IGSF21: variants seen among roughly 807,000 people sequenced by gnomAD.
The protein encoded by IGSF21 is immunoglobin superfamily member 21, also known as immunoglobulin superfamily member 21.
IGSF21 carries 28 observed loss-of-function variants against 46.8 expected under a neutral mutation model. The ratio of observed to expected loss-of-function variants is 0.60; its 90% confidence interval spans 0.44 to 0.82. The LOEUF (loss-of-function observed/expected upper bound fraction) is 0.82, where lower values mean the gene tolerates loss of function less well. IGSF21 is among the 40% of genes least tolerant of loss of function. IGSF21 has a pLI of 0.00. For synonymous variants in IGSF21, 284 were observed against 273.6 expected (o/e 1.04, Z -0.38); for missense variants, 624 against 665.5 (o/e 0.94, Z 0.69).
intron 2 of IGSF21, among the ~76,000 whole-genome samples, chr1:18,285,193 T>C (rs901404577): frequency 6.6e-6 from 1 of 151,820 alleles, no homozygotes; most frequent in Non-Finnish European, 1.5e-5. Context: ...CCTTTTCTTT[T>C]TTTTTTTTTT....
chr1:18,330,208 GA>G (rs1378563577), intron 3 of IGSF21, among the ~76,000 whole-genome samples: 1 of 152,120 alleles, frequency 6.6e-6, no homozygotes, highest in Non-Finnish European at 1.5e-5. Flanking sequence ...AAAGAAAACA[GA>G]AAAGACCAAA....
At chr1:18,284,366 G>A (rs138358823) in intron 2 of IGSF21, among the ~76,000 whole-genome samples, 269 of 152,318 alleles carry the variant, frequency 1.8e-3, no homozygotes, top group African/African-American at 6.4e-3. Flanking sequence ...CGGTTCCCAT[G>A]CTAGGCTCCT....
intron 2 of IGSF21, among the ~76,000 whole-genome samples, chr1:18,251,066 G>A (rs941730836): frequency 6.6e-6 from 1 of 152,106 alleles, no homozygotes; most frequent in Admixed American, 6.5e-5. Flanking sequence ...GGCAGAGAGG[G>A]TATCTATGGA....
At chr1:18,321,208 C>T (rs1263478963) in intron 3 of IGSF21, among the ~76,000 whole-genome samples, 3 of 152,186 alleles carry the variant, frequency 2.0e-5, no homozygotes, top group Non-Finnish European at 2.9e-5. Context: ...AGGGTCTGCC[C>T]TTGGTCACCA....
intron 1 of IGSF21, among the ~76,000 whole-genome samples, chr1:18,161,498 A>G (rs9662108): frequency 0.81 from 123,694 of 151,954 alleles, 50,468 homozygotes; most frequent in East Asian, 0.93. Flanking sequence ...CCTTCCCCCC[A>G]GCCCACTTTC....
chr1:18,285,232 T>C (rs2085201571), intron 2 of IGSF21, among the ~76,000 whole-genome samples: 2 of 151,600 alleles, frequency 1.3e-5, no homozygotes, highest in Non-Finnish European at 2.9e-5. Flanking sequence ...CCCAGGGACA[T>C]TGGTGAGGCA....
intron 1 of IGSF21, chr1:18,113,376 T>G (rs2086160012): frequency 1.3e-5 from 2 of 151,924 alleles, no homozygotes; most frequent in Admixed American, 1.3e-4. Context: ...ATAAAGGTAG[T>G]GTGTATGGGG....
At chr1:18,188,361 T>A (rs1570316815) in intron 1 of IGSF21, among the ~76,000 whole-genome samples, 1 of 152,248 alleles carries the variant, frequency 6.6e-6, no homozygotes, top group Non-Finnish European at 1.5e-5. Context: ...GCTGATTAGA[T>A]CGCCCCCATA....
chr1:18,315,995 T>C (rs1423296141), intron 3 of IGSF21, among the ~76,000 whole-genome samples: 1 of 152,156 alleles, frequency 6.6e-6, no homozygotes, highest in Non-Finnish European at 1.5e-5. Context: ...TGGTGTTCTT[T>C]AGGTTGGAAA....
intron 1 of IGSF21, among the ~76,000 whole-genome samples, chr1:18,151,200 TCA>T (rs997767411): frequency 6.6e-6 from 1 of 152,212 alleles, no homozygotes; most frequent in African/African-American, 2.4e-5. Flanking sequence ...GAGCCACTTG[TCA>T]CAGTCAGGGT....
At chr1:18,360,925 CA>C (rs924115662) in intron 4 of IGSF21, among the ~76,000 whole-genome samples, 1 of 152,116 alleles carries the variant, frequency 6.6e-6, no homozygotes, top group African/African-American at 2.4e-5. Flanking sequence ...AGCTGAGATT[CA>C]GACCCAGGTG....
Position 18,334,054 on chromosome 1 carries a change from T to C in IGSF21, c.306-838T>C, listed in dbSNP as rs1357628415. Among the ~76,000 whole-genome samples the C allele has an allele frequency of 6.6e-6, 1 of 152,220 alleles. No homozygotes were observed. Among genetic ancestry groups the C allele is most frequent in the African/African-American group, 2.4e-5 (1 of 41,456 alleles). ...CTGCAAGGACAGGGTTGAATTGCAA[T>C]TGTAAAGGGCAAGAAAGCCTAAAAT... On this transcript the variant is annotated intron_variant, in intron 3 of 9. Transcript: ENST00000251296. The surrounding 1 kb of genome is among the most constrained non-coding windows in gnomAD (Gnocchi z 4.3).
chr1:18,350,467 G>A (rs555115), intron 4 of IGSF21, among the ~76,000 whole-genome samples: 34,229 of 152,092 alleles, frequency 0.23, 3,993 homozygotes, highest in South Asian at 0.31. Flanking sequence ...GCCTTGATCT[G>A]CCTCACCAAG....
At chr1:18,121,677 C>T (rs549710205) in intron 1 of IGSF21, among the ~76,000 whole-genome samples, 2 of 152,258 alleles carry the variant, frequency 1.3e-5, no homozygotes, top group South Asian at 2.1e-4. Flanking sequence ...GGCCCTGCCC[C>T]GATGCAGGTC....
At chr1:18,145,861 G>A (rs556097206) in intron 1 of IGSF21, among the ~76,000 whole-genome samples, 38 of 152,300 alleles carry the variant, frequency 2.5e-4, no homozygotes, top group African/African-American at 8.9e-4. Flanking sequence ...CCAGAACCAG[G>A]AGGAACTTTG....
intron 1 of IGSF21, among the ~76,000 whole-genome samples, chr1:18,186,468 A>G (rs2086903900): frequency 6.6e-6 from 1 of 152,202 alleles, no homozygotes; most frequent in African/African-American, 2.4e-5. Context: ...AGGCCTAGAA[A>G]GATCCCTCCA....
intron 1 of IGSF21, among the ~76,000 whole-genome samples, chr1:18,189,848 A>G (rs1375838251): frequency 6.6e-6 from 1 of 152,094 alleles, no homozygotes; most frequent in Non-Finnish European, 1.5e-5. Flanking sequence ...ATGGGCTGGT[A>G]CCGGATTTGA....
intron 2 of IGSF21, among the ~76,000 whole-genome samples, chr1:18,242,881 G>A (rs1351445589): frequency 6.6e-6 from 1 of 152,154 alleles, no homozygotes; most frequent in Non-Finnish European, 1.5e-5. Flanking sequence ...CTCACACTCT[G>A]CTGGGGGGGA....
intron 1 of IGSF21, among the ~76,000 whole-genome samples, chr1:18,136,493 C>A (rs11261092): frequency 1.3e-5 from 2 of 152,084 alleles, no homozygotes; most frequent in Admixed American, 6.5e-5. Flanking sequence ...CCAGTTTTCC[C>A]AGCACCATTT....
Sources: allele counts gnomAD v4.1 joint callset (sites outside exome capture counted in the v4.1 genomes callset), GRCh38; gene constraint gnomAD v4.1.1; non-coding constraint Gnocchi (gnomAD v3.1); transcripts MANE v1.5; gene names NCBI Gene and HGNC (gene_info 2026-07-23, HGNC 2026-07-21).